PRDM15: variants seen among roughly 807,000 people sequenced by gnomAD.
PRDM15 encodes the protein PR domain zinc finger protein 15.
PRDM15 carries 64 observed loss-of-function variants against 128.6 expected under a neutral mutation model. That is an observed-to-expected ratio of 0.50 (90% confidence interval 0.41 to 0.61). PRDM15 has a LOEUF of 0.61. Ranked by LOEUF, PRDM15 falls within the 20% of genes least tolerant of loss-of-function variation. The probability of loss-of-function intolerance (pLI) is 0.00; values close to 1 mark genes in which losing one functional copy is unlikely to be tolerated. For synonymous variants in PRDM15, 615 were observed against 621.8 expected (o/e 0.99, Z 0.16); for missense variants, 1,242 against 1,569.1 (o/e 0.79, Z 3.52).
intron 13 of PRDM15, among the ~76,000 whole-genome samples, chr21:41,824,317 T>TG (rs1344129844): frequency 6.6e-6 from 1 of 152,046 alleles, no homozygotes; most frequent in Non-Finnish European, 1.5e-5. Context: ...GGATGCTAGG[T>TG]GGGGCAATGC....
chr21:41,815,208 G>A (rs902644345), intron 19 of PRDM15, among the ~76,000 whole-genome samples: 10 of 152,210 alleles, frequency 6.6e-5, no homozygotes, highest in African/African-American at 2.2e-4. Context: ...GACCTGTCGC[G>A]TCACCGACTC....
chr21:41,845,559 C>T (rs191533954), intron 6 of PRDM15, among the ~76,000 whole-genome samples: 30 of 151,896 alleles, frequency 2.0e-4, no homozygotes, highest in African/African-American at 6.5e-4. Context: ...CTCCAGCCCT[C>T]AAGGCTGCCG....
rs944493248 is a variant in PRDM15, at chr21:41,810,416, G to C, written c.2477-87C>G. 3.5e-6 allele frequency: 5 copies of C among 1,445,846 alleles called. No individual in the cohort carries two copies. In the African/African-American group the frequency reaches 7.0e-5, roughly 20 times the overall value. 89.6% of individuals were successfully genotyped at this position (1,445,846 alleles called of 1,614,324 possible). ...GCAGCCATCCCAATGACCCTGGCCT[G>C]CTGGACGAGGCAAGAAGCCTGTCAC... On this transcript the variant is annotated intron_variant, in intron 20 of 23. Coordinates refer to ENST00000398548, the MANE Select transcript of PRDM15 (RefSeq NM_001040424.3). This position sits in a 1 kb window ranked among gnomAD's most constrained non-coding sequence, Gnocchi z 6.4.
intron 22 of PRDM15, among the ~76,000 whole-genome samples, chr21:41,803,854 T>A (rs1601726695): frequency 6.6e-6 from 1 of 152,044 alleles, no homozygotes; most frequent in Non-Finnish European, 1.5e-5. Flanking sequence ...TAAAAAAAAA[T>A]TTTGCTAACT....
At chr21:41,825,893 T>G in intron 13 of PRDM15, 67 bp downstream of exon 13, 3 of 1,222,794 alleles carry the variant, frequency 2.5e-6, no homozygotes, top group South Asian at 1.2e-5. Context: ...GTACAGCTCA[T>G]AGAGTCTTAA....
chr21:41,822,350 C>CA (rs2062307857), intron 14 of PRDM15, among the ~76,000 whole-genome samples: 1 of 152,256 alleles, frequency 6.6e-6, no homozygotes, highest in African/African-American at 2.4e-5. Context: ...TCTCCCATAC[C>CA]ACCTGTTACT....
chr21:41,837,019 C>G (rs1346774125), intron 8 of PRDM15: 1 of 159,494 alleles, frequency 6.3e-6, no homozygotes, highest in African/African-American at 2.4e-5. Context: ...ATTTTCAAAA[C>G]TTCTTTTCCC....
chr21:41,857,303 A>G lies in PRDM15; in HGVS notation c.158T>C (p.Ile53Thr). ...CTCGGCTCCATCTTCCAGTCGTCTG[A>G]TCTCCAAGTTGGGAGGAAGGGATGA... ...ARSSLPPNLE[I>T]RRLEDGAEGV... The change falls in exon 4 of 24, where the codon ATC becomes ACC. Residue 53 changes from isoleucine to threonine, a missense_variant. Physicochemically the swap from Ile to Thr is moderately conservative, Grantham distance 89. This residue lies in a region of PRDM15 where 612 missense variants were observed against 717.0 expected (regional missense o/e 0.85). Coordinates refer to ENST00000398548, the MANE Select transcript of PRDM15 (RefSeq NM_001040424.3). The G allele has an allele frequency of 6.2e-7, 1 of 1,613,930 alleles. No individual in the cohort carries two copies. The highest frequency in any genetic ancestry group is 8.5e-7 in the Non-Finnish European group (1 of 1,180,018).
At chr21:41,801,805 TACCACACC>T in intron 23 of PRDM15, 83 bp from the exon 24 acceptor site, 1 of 1,432,896 alleles carries the variant, frequency 7.0e-7, no homozygotes, top group Non-Finnish European at 9.5e-7. Context: ...CGCTCTGTGT[TACCACACC>T]AAAGAAGCAC....
chr21:41,872,245 C>T (rs530511061), intron 1 of PRDM15, among the ~76,000 whole-genome samples: 5 of 152,320 alleles, frequency 3.3e-5, no homozygotes, highest in South Asian at 2.1e-4. Flanking sequence ...TCTGATTCTA[C>T]ATCTCAAAAT....
chr21:41,820,286 G>C (rs2062208861), intron 16 of PRDM15, 112 bp from the exon 17 acceptor site: 2 of 763,062 alleles, frequency 2.6e-6, no homozygotes, highest in Admixed American at 4.3e-5. Context: ...GGTGCCACGG[G>C]GATGATAAAA....
At chr21:41,817,224 G>T (rs1473060016) in intron 18 of PRDM15, among the ~76,000 whole-genome samples, 2 of 152,222 alleles carry the variant, frequency 1.3e-5, no homozygotes, top group Non-Finnish European at 2.9e-5. Flanking sequence ...GAAAACTGAT[G>T]TTTTTTAAAT....
intron 6 of PRDM15, among the ~76,000 whole-genome samples, chr21:41,845,405 A>G: frequency 6.9e-6 from 1 of 145,734 alleles, no homozygotes; most frequent in Non-Finnish European, 1.5e-5. Flanking sequence ...TCTGCTTTCC[A>G]CTTCTAGGCT....
chr21:41,814,994 G>C (rs2062000289), intron 19 of PRDM15: 4 of 152,168 alleles, frequency 2.6e-5, no homozygotes, highest in East Asian at 2.0e-4. Flanking sequence ...GATTGCGCAG[G>C]GTGCTCTAGT....
chr21:41,830,156 TACAC>T (rs1258589557), intron 11 of PRDM15, among the ~76,000 whole-genome samples: 5 of 141,700 alleles, frequency 3.5e-5, no homozygotes, highest in East Asian at 2.2e-4. Context: ...CCCACACAAA[TACAC>T]ACACAACACA....
At chr21:41,848,368 A>AT (rs2063331180) in intron 5 of PRDM15, among the ~76,000 whole-genome samples, 1 of 152,224 alleles carries the variant, frequency 6.6e-6, no homozygotes, top group African/African-American at 2.4e-5. Context: ...GCAATATGAA[A>AT]TTTTTTGTCA....
Position 41,859,043 on chromosome 21 carries a change from A to T in PRDM15, c.131+549T>A, listed in dbSNP as rs376110395. ...TGTCCAAGCTCACCTGCCCTGGGCC[A>T]CCAGGTGGCACAGCCTCCCCCAGGT... On this transcript the variant is annotated intron_variant, in intron 3 of 23. Coordinates refer to ENST00000398548, the MANE Select transcript of PRDM15 (RefSeq NM_001040424.3). This position sits in a 1 kb window ranked among gnomAD's most constrained non-coding sequence, Gnocchi z 5.3. 1.6e-5 allele frequency: 25 copies of T among 1,560,094 alleles called. No individual in the cohort carries two copies. In the African/African-American group the frequency reaches 2.8e-4, roughly 18 times the overall value.
chr21:41,815,669 G>A (rs1319378679), intron 19 of PRDM15, 36 bp downstream of exon 19: 1 of 1,608,438 alleles, frequency 6.2e-7, no homozygotes, highest in Non-Finnish European at 8.5e-7. Context: ...TACACAGTGA[G>A]CGCCGTGGCT....
chr21:41,862,086 G>T lies in PRDM15; in HGVS notation c.-9-1714C>A. 9.7e-7 allele frequency: 1 copy of T among 1,029,254 alleles called. No homozygotes were observed. The highest frequency in any genetic ancestry group is 1.5e-6 in the Non-Finnish European group (1 of 666,868). The allele number at this position is 1,029,254 out of a possible 1,614,324, so 63.8% of individuals were successfully genotyped here. A position where few individuals can be genotyped will look rare whatever the true frequency, so the allele number is the denominator to read the frequency against. On this transcript the variant is annotated intron_variant, in intron 1 of 23. Coordinates refer to ENST00000398548, the MANE Select transcript of PRDM15 (RefSeq NM_001040424.3). This position sits in a 1 kb window ranked among gnomAD's most constrained non-coding sequence, Gnocchi z 4.1. ...CTGGGCAGTGAGCAGGAGATGAACA[G>T]GACAAAGGGCAGAAGAAACCCAGAG... is the stretch of plus-strand genomic sequence containing the variant.
Sources: allele counts gnomAD v4.1 joint callset (sites outside exome capture counted in the v4.1 genomes callset), GRCh38; gene constraint gnomAD v4.1.1; regional missense constraint gnomAD v4.1.1; non-coding constraint Gnocchi (gnomAD v3.1); transcripts MANE v1.5; gene names NCBI Gene and HGNC (gene_info 2026-07-23, HGNC 2026-07-21).